Variants in ITGA8 observed in about 807,000 individuals in gnomAD.
ITGA8 encodes integrin alpha-8.
Under a neutral mutation model 142.3 loss-of-function variants are expected in ITGA8, and 91 were observed. The ratio of observed to expected loss-of-function variants is 0.64; its 90% CI spans 0.54 to 0.76. The LOEUF is 0.76. Among genes scored for constraint, ITGA8 ranks in the 30% least tolerant of loss-of-function variants. The pLI, the probability that ITGA8 is intolerant of heterozygous loss-of-function variation, is 0.00. For missense variants in ITGA8, 1,406 were observed against 1,327.7 expected (o/e 1.06, Z -0.92); for synonymous variants, 505 against 485.2 (o/e 1.04, Z -0.54).
rs1245757344 is a variant in ITGA8, at chr10:15,666,578, G to GGC, written c.847+5023_847+5024dup. 1.2e-3 allele frequency among the ~76,000 whole-genome samples: 183 copies of GGC among 152,224 alleles called. 1 individual carries two copies. Among genetic ancestry groups the GGC allele is most frequent in the Non-Finnish European group, 1.8e-4 (12 of 68,020 alleles). ...ATGTTGAATAGGAGTGATGAGAGAG[G>GGC]GCATCCCTGTCTTGTGCCAGTTTTC... On this transcript the variant is annotated intron_variant, in intron 8 of 29. Coordinates refer to ENST00000378076, the MANE Select transcript of ITGA8 (RefSeq NM_003638.3).
chr10:15,553,765 C>T (rs1365114337), intron 26 of ITGA8, among the ~76,000 whole-genome samples: 1 of 152,150 alleles, frequency 6.6e-6, no homozygotes, highest in East Asian at 1.9e-4. Context: ...CTTTGGGAGG[C>T]TGAGGCAGGT....
intron 28 of ITGA8, among the ~76,000 whole-genome samples, chr10:15,520,761 A>G (rs1833049282): frequency 6.6e-6 from 1 of 152,200 alleles, no homozygotes; most frequent in Non-Finnish European, 1.5e-5. Context: ...AGTGGCAAGC[A>G]TTGCCTCCAC....
At chr10:15,654,385 A>C (rs1175047300) in intron 11 of ITGA8, among the ~76,000 whole-genome samples, 1 of 152,192 alleles carries the variant, frequency 6.6e-6, no homozygotes, top group African/African-American at 2.4e-5. Context: ...CTGCACCTAG[A>C]ACAGTGCCTG....
intron 21 of ITGA8, 157 bp downstream of exon 21, chr10:15,597,050 G>A (rs1833022131): frequency 3.1e-6 from 2 of 649,454 alleles, no homozygotes; most frequent in Admixed American, 2.4e-5. Context: ...CTCTGTGTAG[G>A]TTATAATGTG....
chr10:15,667,831 G>C (rs1260190973), intron 8 of ITGA8, among the ~76,000 whole-genome samples: 1 of 152,082 alleles, frequency 6.6e-6, no homozygotes, highest in Admixed American at 6.5e-5. Flanking sequence ...GAGCAGTTTT[G>C]AGTGAGTTTC....
intron 13 of ITGA8, among the ~76,000 whole-genome samples, chr10:15,636,182 A>C (rs1430573027): frequency 6.6e-6 from 1 of 152,178 alleles, no homozygotes; most frequent in African/African-American, 2.4e-5. Flanking sequence ...TGCATTTAAC[A>C]GATGGTATTG....
At chr10:15,684,241 C>G in intron 3 of ITGA8, 114 bp from the exon 4 acceptor site, 1 of 1,087,016 alleles carries the variant, frequency 9.2e-7, no homozygotes, top group African/African-American at 1.6e-5. Flanking sequence ...ATTAATTGGC[C>G]TCTAGCATGC....
intron 25 of ITGA8, among the ~76,000 whole-genome samples, chr10:15,569,481 A>C (rs1380752293): frequency 2.6e-5 from 4 of 152,204 alleles, no homozygotes; most frequent in Non-Finnish European, 5.9e-5. Flanking sequence ...GTAAGATTGG[A>C]TACTGGAATT....
At chr10:15,680,829 G>T (rs1327395449) in intron 4 of ITGA8, among the ~76,000 whole-genome samples, 2 of 148,488 alleles carry the variant, frequency 1.3e-5, no homozygotes, top group Non-Finnish European at 3.0e-5. Flanking sequence ...AATGTTTATT[G>T]TAAGTGGCAA....
chr10:15,672,870 C>A, intron 6 of ITGA8, 121 bp from the exon 7 acceptor site: 1 of 1,100,228 alleles, frequency 9.1e-7, no homozygotes, highest in Non-Finnish European at 1.2e-6. Flanking sequence ...GATGAATTTT[C>A]CCGCCTGCCG....
intron 29 of ITGA8, among the ~76,000 whole-genome samples, 182 bp downstream of exon 29, chr10:15,519,108 C>T (rs1424588798): frequency 1.3e-5 from 2 of 152,156 alleles, no homozygotes; most frequent in Non-Finnish European, 2.9e-5. Flanking sequence ...TAAATGTCAG[C>T]TATATAAACA....
At chr10:15,692,475 G>C (rs1380551628) in intron 2 of ITGA8, among the ~76,000 whole-genome samples, 1 of 152,108 alleles carries the variant, frequency 6.6e-6, no homozygotes, top group Non-Finnish European at 1.5e-5. Flanking sequence ...TTCAGTTATT[G>C]ATTTCATATT....
At chr10:15,547,738 A>T (rs757810777) in intron 27 of ITGA8, among the ~76,000 whole-genome samples, 5 of 152,186 alleles carry the variant, frequency 3.3e-5, no homozygotes, top group Non-Finnish European at 7.3e-5. Flanking sequence ...CTGCAGGACC[A>T]CTTGACAAGA....
At chr10:15,538,373 A>G (rs1478941826) in intron 27 of ITGA8, among the ~76,000 whole-genome samples, 2 of 152,038 alleles carry the variant, frequency 1.3e-5, no homozygotes, top group South Asian at 2.1e-4. Context: ...TCAGCTGGGC[A>G]TGATGGCGGG....
chr10:15,643,235 T>C (rs1833901640), intron 13 of ITGA8, among the ~76,000 whole-genome samples: 1 of 152,196 alleles, frequency 6.6e-6, no homozygotes, highest in Non-Finnish European at 1.5e-5. Flanking sequence ...TTTCTCCACT[T>C]TAAAATGTTC....
chr10:15,615,269 G>T (rs748207273), intron 14 of ITGA8, among the ~76,000 whole-genome samples: 5 of 152,180 alleles, frequency 3.3e-5, no homozygotes, highest in Non-Finnish European at 7.3e-5. Flanking sequence ...ACACCTTGAG[G>T]GTTTTGACTG....
chr10:15,608,436 C>A (rs907289533), intron 15 of ITGA8, 146 bp from the exon 16 acceptor site: 14 of 541,060 alleles, frequency 2.6e-5, no homozygotes, highest in Non-Finnish European at 4.5e-5. Context: ...CACACACACA[C>A]CCCTTCTACC....
chr10:15,617,725 G>T (rs1261055273), intron 13 of ITGA8, among the ~76,000 whole-genome samples: 2 of 152,124 alleles, frequency 1.3e-5, no homozygotes, highest in African/African-American at 4.8e-5. Context: ...ATTTACAGTG[G>T]CTGTCCCTAG....
chr10:15,638,963 CA>C (rs777517035), intron 13 of ITGA8, among the ~76,000 whole-genome samples: 1 of 151,244 alleles, frequency 6.6e-6, no homozygotes, highest in Non-Finnish European at 1.5e-5. Context: ...CCTGTCTCTA[CA>C]AAAAAAATCA....
Sources: gnomAD v4.1 joint callset for allele counts (sites outside exome capture counted in the v4.1 genomes callset) on GRCh38, gnomAD v4.1.1 for gene constraint, MANE v1.5 for transcripts, NCBI Gene and HGNC (gene_info 2026-07-23, HGNC 2026-07-21) for gene names.